The following DAPK2 variants were observed in gnomAD, a reference collection of about 807,000 sequenced individuals.
The protein encoded by DAPK2 is death associated protein kinase 2.
In DAPK2, 35 loss-of-function variants were observed where a neutral mutation model predicts 44.1. That is an observed-to-expected ratio of 0.79 (90% CI 0.61 to 1.05). The LOEUF is 1.05. Among genes scored for constraint, DAPK2 ranks in the 50% least tolerant of loss-of-function variants. The pLI is 0.00. For synonymous variants in DAPK2, 174 were observed against 182.6 expected (o/e 0.95, Z 0.38); for missense variants, 453 against 483.2 (o/e 0.94, Z 0.59).
At chr15:63,994,692 C>G (rs1188949991) in intron 1 of DAPK2, among the ~76,000 whole-genome samples, 1 of 150,442 alleles carries the variant, frequency 6.6e-6, no homozygotes, top group Non-Finnish European at 1.5e-5. Flanking sequence ...CGGGTTCAAG[C>G]GATTCTCCTG....
chr15:63,975,662 G>A (rs1211387337), intron 2 of DAPK2, among the ~76,000 whole-genome samples: 3 of 151,338 alleles, frequency 2.0e-5, no homozygotes, highest in South Asian at 2.1e-4. Flanking sequence ...GCAGTGATGC[G>A]ATCTCAGCTC....
At chr15:63,926,199 G>T (rs1227057874) in intron 6 of DAPK2, 106 bp from the exon 8 acceptor site, 1 of 1,334,326 alleles carries the variant, frequency 7.5e-7, no homozygotes, top group Non-Finnish European at 1.0e-6. Context: ...GAGCTGGAAG[G>T]CTCCCAGCAA....
chr15:63,995,379 T>C (rs921944227), intron 1 of DAPK2, among the ~76,000 whole-genome samples: 2 of 152,236 alleles, frequency 1.3e-5, no homozygotes, highest in African/African-American at 2.4e-5. Flanking sequence ...TTTTGTCAAA[T>C]ATGTTGAAAA....
rs2078798195 is a variant in DAPK2, at chr15:63,990,850, C to T, written c.93-7096G>A. On this transcript the variant is annotated intron_variant, in intron 1 of 10. Transcript: ENST00000261891. This position sits in a 1 kb window ranked among gnomAD's most constrained non-coding sequence, Gnocchi z 4.3. ...GGCAGGAGCAGCTCAAAGCTGTAGT[C>T]CACAAGAACCAGGTCAGCCTGATCC... 6.6e-6 allele frequency among the ~76,000 whole-genome samples: 1 copy of T among 152,214 alleles called. No homozygotes were observed. Among genetic ancestry groups the T allele is most frequent in the Non-Finnish European group, 1.5e-5 (1 of 68,042 alleles).
chr15:64,019,787 T>C (rs1410822536), intron 1 of DAPK2, among the ~76,000 whole-genome samples: 3 of 152,194 alleles, frequency 2.0e-5, no homozygotes, highest in African/African-American at 7.2e-5. Flanking sequence ...GCCCATGGAA[T>C]GCTTCCTTGT....
chr15:63,917,298 G>T lies in DAPK2; in HGVS notation c.859-5101C>A, dbSNP rs759592041. The T allele has an allele frequency of 6.6e-6, 1 of 152,018 alleles. No individual in the cohort carries two copies. The highest frequency in any genetic ancestry group is 1.5e-5 in the Non-Finnish European group (1 of 68,034). 9.4% of individuals were successfully genotyped at this position (152,018 alleles called of 1,614,324 possible). The stretch of plus-strand genomic sequence containing the variant: ...GAATTGCTTGAACCTGGAAGATGGA[G>T]GTTGCAGTGAGCCAAGATCGCGCCA... On this transcript the variant is annotated intron_variant, in intron 8 of 10. Coordinates refer to ENST00000261891, the Ensembl canonical transcript of DAPK2. This position sits in a 1 kb window ranked among gnomAD's most constrained non-coding sequence, Gnocchi z 4.4.
Position 63,916,949 on chromosome 15 carries a change from G to C in DAPK2, c.859-4752C>G, listed in dbSNP as rs1245317705. The C allele has an allele frequency of 6.6e-6, 1 of 152,246 alleles. No homozygotes were observed. The highest frequency in any genetic ancestry group is 1.5e-5 in the Non-Finnish European group (1 of 68,056). The allele number at this position is 152,246 out of a possible 1,614,324, so 9.4% of individuals were successfully genotyped here. On this transcript the variant is annotated intron_variant, in intron 8 of 10. Transcript: ENST00000261891. This position sits in a 1 kb window ranked among gnomAD's most constrained non-coding sequence, Gnocchi z 4.7. ...TTTGGATCCTGATTTGAACAAACCA[G>C]CTGTAATGGGACACTGTTGGGAGTG...
At chr15:64,042,847 G>C (rs775560499), upstream of DAPK2, among the ~76,000 whole-genome samples, 4 of 152,140 alleles carry the variant, frequency 2.6e-5, no homozygotes, top group Non-Finnish European at 5.9e-5. The surrounding 1 kb of genome is among the most constrained non-coding windows in gnomAD (Gnocchi z 4.7). Flanking sequence ...CTTCCCACAA[G>C]ACCCAGCCAA....
intron 1 of DAPK2, among the ~76,000 whole-genome samples, chr15:64,007,506 A>T (rs1486705072): frequency 6.6e-6 from 1 of 152,156 alleles, no homozygotes; most frequent in Admixed American, 6.5e-5. Context: ...TCCCAGCCTC[A>T]GAGAAAGTCA....
intron 3 of DAPK2, among the ~76,000 whole-genome samples, chr15:63,962,836 T>C (rs955597398): frequency 6.6e-6 from 1 of 152,188 alleles, no homozygotes; most frequent in African/African-American, 2.4e-5. Context: ...CATTCTCAGA[T>C]CTCAAACTCC....
At chr15:63,944,751 T>C (rs1179586643) in intron 3 of DAPK2, among the ~76,000 whole-genome samples, 3 of 152,166 alleles carry the variant, frequency 2.0e-5, no homozygotes, top group Non-Finnish European at 4.4e-5. Context: ...CATCACTGAA[T>C]CTGGTTAAAT....
intron 2 of DAPK2, among the ~76,000 whole-genome samples, chr15:63,979,388 C>T (rs887742067): frequency 1.3e-5 from 2 of 152,118 alleles, no homozygotes; most frequent in Non-Finnish European, 1.5e-5. Context: ...CCTCCTAGTG[C>T]TGGCCACTTG....
chr15:63,987,424 C>G (rs1018627310), intron 1 of DAPK2, among the ~76,000 whole-genome samples: 2 of 152,158 alleles, frequency 1.3e-5, no homozygotes, highest in Non-Finnish European at 1.5e-5. Context: ...GCAATTCAAC[C>G]TCTAATGAAA....
At chr15:63,963,285 C>T (rs2077963690) in intron 3 of DAPK2, among the ~76,000 whole-genome samples, 1 of 152,068 alleles carries the variant, frequency 6.6e-6, no homozygotes, top group African/African-American at 2.4e-5. Flanking sequence ...AATTCCCCGA[C>T]CCCTTGTGCT....
intron 1 of DAPK2, among the ~76,000 whole-genome samples, chr15:64,019,854 C>G (rs541420747): frequency 4.6e-5 from 7 of 152,172 alleles, no homozygotes; most frequent in African/African-American, 1.7e-4. Context: ...CACACCTATG[C>G]GTTGTATAAC....
chr15:63,948,722 G>A (rs1014665507), intron 3 of DAPK2, among the ~76,000 whole-genome samples: 3 of 152,164 alleles, frequency 2.0e-5, no homozygotes, highest in East Asian at 1.9e-4. Flanking sequence ...CTAGAGGTCC[G>A]TGTAGAACAA....
intron 3 of DAPK2, among the ~76,000 whole-genome samples, chr15:63,942,475 C>T (rs576434550): frequency 4.1e-4 from 63 of 151,932 alleles, no homozygotes; most frequent in African/African-American, 1.4e-3. Context: ...TCACTTGAAC[C>T]GGGGAGGTGG....
At chr15:63,922,441 G>GGGCC (rs2079101274) in intron 8 of DAPK2, 1 of 1,152,620 alleles carries the variant, frequency 8.7e-7, no homozygotes, top group South Asian at 3.1e-5. Context: ...CATTTCCCCA[G>GGGCC]GGCCAGCCAT....
At chr15:63,942,066 C>T (rs1567221447) in intron 3 of DAPK2, 1 of 263,466 alleles carries the variant, frequency 3.8e-6, no homozygotes. Flanking sequence ...GAGCCCAGGA[C>T]ACCATCTCAC....
Sources: gnomAD v4.1 joint callset for allele counts (sites outside exome capture counted in the v4.1 genomes callset) on GRCh38, gnomAD v4.1.1 for gene constraint, Gnocchi (gnomAD v3.1) non-coding constraint, MANE v1.5 for transcripts, NCBI Gene and HGNC (gene_info 2026-07-23, HGNC 2026-07-21) for gene names.